DPP6: variants seen among roughly 807,000 people sequenced by gnomAD.
DPP6 encodes the protein dipeptidyl peptidase like 6.
Under a neutral mutation model 122.6 loss-of-function variants are expected in DPP6, and 69 were observed. The ratio of observed to expected loss-of-function variants is 0.56; its 90% CI spans 0.46 to 0.69. DPP6 has a LOEUF of 0.69. DPP6 is among the 30% of genes least tolerant of loss of function. DPP6 has a pLI of 0.00. For synonymous variants in DPP6, 418 were observed against 433.1 expected, an observed-to-expected ratio of 0.97 and a Z score of 0.43; for missense variants, 928 against 1,116.9, an observed-to-expected ratio of 0.83 and a Z score of 2.41.
chr7:154,471,124 GC>G (rs1822234889), intron 2 of DPP6, among the ~76,000 whole-genome samples: 1 of 152,064 alleles, frequency 6.6e-6, no homozygotes, highest in Non-Finnish European at 1.5e-5. Context: ...GGTGGCAGGT[GC>G]CTGTGATCCC....
intron 1 of DPP6, chr7:154,305,448 C>T (rs1806245433): frequency 5.8e-6 from 9 of 1,543,452 alleles, no homozygotes; most frequent in Non-Finnish European, 7.9e-6. Context: ...TCCCAACTCG[C>T]CGTCAGACCC....
At chr7:154,891,919 T>A (rs1167019692) in intron 25 of DPP6, among the ~76,000 whole-genome samples, 1 of 152,154 alleles carries the variant, frequency 6.6e-6, no homozygotes, top group Admixed American at 6.5e-5. Context: ...GGGCTGCGGC[T>A]CTGTAGTCCC....
Position 154,801,245 on chromosome 7 carries a change from C to T in DPP6, c.1300-110C>T, listed in dbSNP as rs546458137. On this transcript the variant is annotated intron_variant, in intron 12 of 25. Transcript: ENST00000377770. ...CACTTATTATTTCAACTGTTCCTCT[C>T]CTTAGAAATCACATAGAAAATGTAT... The T allele has an allele frequency of 6.9e-6, 10 of 1,449,022 alleles. No homozygotes were observed. The African/African-American group carries it at 1.1e-4, about 16-fold the overall frequency. 89.8% of individuals were successfully genotyped at this position (1,449,022 alleles called of 1,614,324 possible).
At chr7:153,951,307 G>A (rs1331805694) in intron 1 of DPP6, among the ~76,000 whole-genome samples, 1 of 152,172 alleles carries the variant, frequency 6.6e-6, no homozygotes, top group Non-Finnish European at 1.5e-5. Context: ...GCATCTGGAC[G>A]CAAAGCAAGG....
At chr7:154,440,276 C>T (rs1237889128) in intron 1 of DPP6, among the ~76,000 whole-genome samples, 1 of 152,144 alleles carries the variant, frequency 6.6e-6, no homozygotes, top group African/African-American at 2.4e-5. Flanking sequence ...GCAGTCTCTG[C>T]AGTTATTCAC....
intron 1 of DPP6, among the ~76,000 whole-genome samples, chr7:154,087,732 A>G (rs1013735574): frequency 6.6e-6 from 1 of 152,204 alleles, no homozygotes; most frequent in Admixed American, 6.5e-5. Flanking sequence ...GATTTGTTAA[A>G]TTTTATAGCC....
At chr7:154,601,790 C>T (rs1181889638) in intron 5 of DPP6, among the ~76,000 whole-genome samples, 1 of 120,434 alleles carries the variant, frequency 8.3e-6, no homozygotes, top group Non-Finnish European at 1.9e-5. Context: ...CATCCATGAG[C>T]ATTTGTTAGG....
intron 1 of DPP6, among the ~76,000 whole-genome samples, chr7:154,097,639 T>C (rs889766836): frequency 2.0e-3 from 300 of 152,380 alleles, no homozygotes; most frequent in African/African-American, 6.9e-3. Flanking sequence ...CTTAAAACTA[T>C]GCACATTTGT....
chr7:154,157,488 C>G (rs1350580714), intron 1 of DPP6, among the ~76,000 whole-genome samples: 11 of 152,196 alleles, frequency 7.2e-5, no homozygotes, highest in Non-Finnish European at 1.5e-4. Context: ...GTAACACTGA[C>G]TTTTATTGGC....
intron 1 of DPP6, among the ~76,000 whole-genome samples, chr7:154,166,578 C>T (rs1797261649): frequency 6.7e-6 from 1 of 149,708 alleles, no homozygotes; most frequent in Admixed American, 6.6e-5. Flanking sequence ...CCTACAGAAG[C>T]CAAAACCCCA....
intron 1 of DPP6, among the ~76,000 whole-genome samples, chr7:154,230,789 C>T (rs1800876304): frequency 6.6e-6 from 1 of 152,222 alleles, no homozygotes; most frequent in Non-Finnish European, 1.5e-5. Context: ...AAAACATTGA[C>T]TGAATGAGCC....
chr7:153,811,685 C>G, the DPP6 span, among the ~76,000 whole-genome samples: 1 of 151,944 alleles, frequency 6.6e-6, no homozygotes. Flanking sequence ...TTTTACAGAC[C>G]CAGATATTAC....
At chr7:154,522,499 C>T (rs1827078617) in intron 3 of DPP6, among the ~76,000 whole-genome samples, 1 of 152,184 alleles carries the variant, frequency 6.6e-6, no homozygotes, top group Non-Finnish European at 1.5e-5. Flanking sequence ...GAGCACGTCT[C>T]ACAAATGTCA....
intron 3 of DPP6, chr7:154,475,597 T>A (rs374050293): frequency 7.0e-4 from 110 of 157,654 alleles, no homozygotes; most frequent in Middle Eastern, 3.2e-3. Context: ...GATTTTTTTT[T>A]TAAAACAACA....
chr7:154,473,270 A>C (rs1420587688), intron 2 of DPP6, among the ~76,000 whole-genome samples: 1 of 152,172 alleles, frequency 6.6e-6, no homozygotes. Flanking sequence ...GTCATGTTTG[A>C]AGCCATGTGC....
At chr7:154,104,779 G>A (rs1806024374) in intron 1 of DPP6, among the ~76,000 whole-genome samples, 1 of 152,194 alleles carries the variant, frequency 6.6e-6, no homozygotes, top group Non-Finnish European at 1.5e-5. Flanking sequence ...GAGGCTGGGA[G>A]TGGTGGCACA....
rs1010753605 is a variant in DPP6 at position 154,282,120 on chromosome 7, G to GGACA, written c.244-164092_244-164089dup. 6.6e-6 allele frequency among the ~76,000 whole-genome samples: 1 copy of GGACA among 152,074 alleles called. No individual in the cohort carries two copies. Among genetic ancestry groups the GGACA allele is most frequent in the Non-Finnish European group, 1.5e-5 (1 of 68,024 alleles). ...TGTAATGATGTGTGTTGAGGGGTGG[G>GGACA]GACAGGGCTGGCACAGTGCCTGGCA... On this transcript the variant is annotated intron_variant, in intron 1 of 25. Transcript: ENST00000377770. The surrounding 1 kb of genome is among the most constrained non-coding windows in gnomAD (Gnocchi z 4.8).
intron 3 of DPP6, among the ~76,000 whole-genome samples, chr7:154,494,234 T>C (rs2151392287): frequency 1.3e-5 from 2 of 152,056 alleles, no homozygotes; most frequent in East Asian, 1.9e-4. Flanking sequence ...TGGACACCTG[T>C]AGTCCCAGCT....
intron 17 of DPP6, among the ~76,000 whole-genome samples, chr7:154,854,364 C>T (rs961775022): frequency 1.3e-5 from 2 of 152,202 alleles, no homozygotes; most frequent in Admixed American, 6.5e-5. Context: ...ACTTTGAATA[C>T]AGCAAGATCC....
Sources: gnomAD v4.1 joint callset for allele counts (sites outside exome capture counted in the v4.1 genomes callset) on GRCh38, gnomAD v4.1.1 for gene constraint, Gnocchi (gnomAD v3.1) non-coding constraint, MANE v1.5 for transcripts, NCBI Gene and HGNC (gene_info 2026-07-23, HGNC 2026-07-21) for gene names.